The following ZNF738 variants were observed in gnomAD, a reference collection of about 807,000 sequenced individuals.
ZNF738 encodes zinc finger protein 738, also known as protein ZNF738.
In ZNF738, 10 loss-of-function variants were observed where a neutral mutation model predicts 9.2. That is an observed-to-expected ratio of 1.09 (90% CI 0.67 to 1.85). The LOEUF (loss-of-function observed/expected upper bound fraction) is 1.85, where lower values mean the gene tolerates loss of function less well. ZNF738 is among the 40% of genes most tolerant of loss of function. ZNF738 has a pLI of 0.00. For missense variants in ZNF738, 346 were observed against 283.6 expected (o/e 1.22, Z -1.58); for synonymous variants, 113 against 94.5 (o/e 1.20, Z -1.14).
At chr19:21,365,685 G>A (rs1973766819) in intron 2 of ZNF738, among the ~76,000 whole-genome samples, 1 of 152,046 alleles carries the variant, frequency 6.6e-6, no homozygotes, top group African/African-American at 2.4e-5. Context: ...GGCTGGGCGT[G>A]GTAGCTCATG....
rs542528951 is a variant in ZNF738, at chr19:21,380,674, G to C, written c.320-2192G>C. ...CTGAGAACTAATCTGTACTATAGTT[G>C]AAGAAAATCTTTGCCCGGTACTATT... is the stretch of plus-strand genomic sequence containing the variant. On this transcript the variant is annotated intron_variant, in intron 4 of 4. Transcript: ENST00000683779. Among the ~76,000 whole-genome samples, 159 of 152,290 alleles carry C rather than the reference G, an allele frequency of 1.0e-3. 1 individual carries two copies. Among genetic ancestry groups the C allele is most frequent in the African/African-American group, 3.7e-3 (152 of 41,562 alleles).
chr19:21,364,358 A>G (rs1215920576), intron 2 of ZNF738, among the ~76,000 whole-genome samples: 1 of 152,090 alleles, frequency 6.6e-6, no homozygotes, highest in African/African-American at 2.4e-5. Context: ...GGGTTAAAAA[A>G]TCAGATTTCA....
chr19:21,383,862 T>A lies in ZNF738; in HGVS notation c.*188T>A. ...AGAATGTGGCAAAGCTTTCTTCAGA[T>A]TCTCATACCTTACTACACATAAGAT... On this transcript the variant is annotated 3_prime_UTR_variant, in exon 5 of 5. Transcript: ENST00000683779. The A allele has an allele frequency of 1.5e-6, 2 of 1,371,166 alleles. No homozygotes were observed. The highest frequency in any genetic ancestry group is 2.1e-6 in the Non-Finnish European group (2 of 964,834). The allele number at this position is 1,371,166 out of a possible 1,614,324, so 84.9% of individuals were successfully genotyped here.
chr19:21,377,108 G>T (rs1364845736), intron 4 of ZNF738, among the ~76,000 whole-genome samples: 2 of 151,986 alleles, frequency 1.3e-5, no homozygotes, highest in African/African-American at 4.8e-5. Context: ...GGGAGTTTGA[G>T]ACCAGCCTGA....
chr19:21,359,103 C>A lies in ZNF738; in HGVS notation c.-38C>A. 9.7e-7 allele frequency: 1 copy of A among 1,030,168 alleles called. No homozygotes were observed. Among genetic ancestry groups the A allele is most frequent in the East Asian group, 2.4e-5 (1 of 41,824 alleles). The allele number at this position is 1,030,168 out of a possible 1,614,324, so 63.8% of individuals were successfully genotyped here. A position where few individuals can be genotyped will look rare whatever the true frequency, so the allele number is the denominator to read the frequency against. On this transcript the variant is annotated 5_prime_UTR_variant, in exon 1 of 5. Transcript: ENST00000683779. ...CCTGTGACCTGCAGGTATTGGGAATCCACAGCTAAGACGCCGGGACACCCT... is the reference window on the plus strand; with the variant it reads ...CCTGTGACCTGCAGGTATTGGGAATACACAGCTAAGACGCCGGGACACCCT...
In ZNF738 at chr19:21,383,490, C is replaced by T. The variant is rs1004750440; in HGVS notation, c.944C>T (p.Pro315Leu). Residue 315 changes from proline (P) to leucine (L), a missense_variant, in exon 5 of 5, where the codon CCC (proline) becomes CTC (leucine). Transcript: ENST00000683779. ...KHKTIHAGEK[P>L]YKCEGCGKAF... is the part of the protein sequence containing the mutation. The stretch of plus-strand genomic sequence containing the variant: ...AAGACAATTCATGCTGGAGAGAAAC[C>T]CTACAAATGTGAAGGATGTGGCAAA... 9 of 820,364 alleles carry T rather than the reference C, an allele frequency of 1.1e-5. No homozygotes were observed. The highest frequency in any genetic ancestry group is 9.9e-5 in the African/African-American group (6 of 60,302). The allele number at this position is 820,364 out of a possible 1,614,324, so 50.8% of individuals were successfully genotyped here.
intron 2 of ZNF738, among the ~76,000 whole-genome samples, chr19:21,370,568 T>A (rs1973843051): frequency 6.6e-6 from 1 of 152,196 alleles, no homozygotes; most frequent in Non-Finnish European, 1.5e-5. Context: ...TGGAGCTCGT[T>A]ATTGGTATAT....
intron 2 of ZNF738, among the ~76,000 whole-genome samples, chr19:21,367,317 C>T (rs1179173620): frequency 6.6e-6 from 1 of 152,022 alleles, no homozygotes; most frequent in Non-Finnish European, 1.5e-5. Context: ...GTGAGTAGCT[C>T]GATCAGATAA....
chr19:21,383,500 T>C lies in ZNF738; in HGVS notation c.954T>C (p.Cys318=). The change falls in exon 5 of 5, where the codon TGT becomes TGC. Residue 318 remains cysteine (C), a synonymous_variant. Coordinates refer to ENST00000683779, the MANE Select transcript of ZNF738 (RefSeq NM_001355237.2). The part of the protein sequence containing the change: ...TIHAGEKPYK[C]EGCGKAFCQF... ...ATGCTGGAGAGAAACCCTACAAATG[T>C]GAAGGATGTGGCAAAGCTTTCTGCC... The C allele has an allele frequency of 1.2e-6, 1 of 849,636 alleles. No homozygotes were observed. The highest frequency in any genetic ancestry group is 2.0e-6 in the Non-Finnish European group (1 of 501,726). 52.6% of individuals were successfully genotyped at this position (849,636 alleles called of 1,614,324 possible).
intron 3 of ZNF738, 130 bp downstream of exon 3, chr19:21,375,494 G>C (rs537713632): frequency 3.8e-6 from 2 of 528,120 alleles, no homozygotes; most frequent in African/African-American, 3.9e-5. Flanking sequence ...AAAAAATTGC[G>C]AGGAATTATC....
intron 2 of ZNF738, among the ~76,000 whole-genome samples, chr19:21,368,914 T>G (rs1291471547): frequency 6.6e-6 from 1 of 152,080 alleles, no homozygotes; most frequent in East Asian, 1.9e-4. Flanking sequence ...TTTTTTGTAT[T>G]TTTAGTAGAC....
At chr19:21,361,537 CT>C in intron 1 of ZNF738, among the ~76,000 whole-genome samples, 1 of 152,346 alleles carries the variant, frequency 6.6e-6, no homozygotes, top group South Asian at 2.1e-4. Flanking sequence ...CAAAAAATCT[CT>C]GTGTGTCTTT....
chr19:21,371,110 C>A (rs111864225), intron 2 of ZNF738, among the ~76,000 whole-genome samples: 235 of 152,306 alleles, frequency 1.5e-3, no homozygotes, highest in Non-Finnish European at 2.1e-3. Context: ...GCCATAACCA[C>A]AACTATACCT....
At chr19:21,382,560 G>C (rs566293165) in intron 4 of ZNF738, among the ~76,000 whole-genome samples, 1 of 152,126 alleles carries the variant, frequency 6.6e-6, no homozygotes, top group East Asian at 1.9e-4. Context: ...AAGGCATTAT[G>C]TTATATCGGG....
chr19:21,376,478 T>C (rs1973929433), intron 4 of ZNF738: 1 of 152,684 alleles, frequency 6.5e-6, no homozygotes, highest in South Asian at 2.1e-4. Flanking sequence ...TTATAAAATA[T>C]AATGTCTCTC....
intron 2 of ZNF738, among the ~76,000 whole-genome samples, chr19:21,369,776 G>A (rs73545790): frequency 0.024 from 3,553 of 150,718 alleles, 147 homozygotes; most frequent in African/African-American, 0.078. Context: ...TTACTGTAAT[G>A]TAGTTTGAAG....
In ZNF738 at chr19:21,384,568, C is replaced by G. The variant is rs144142889; in HGVS notation, c.*894C>G. ...ATTACTAGACATAAGATAATTCATA[C>G]TGGAGAGAAACCCTACAAATGTGAA... On this transcript the variant is annotated 3_prime_UTR_variant, in exon 5 of 5. Transcript: ENST00000683779. Among the ~76,000 whole-genome samples the G allele has an allele frequency of 5.9e-5, 9 of 152,128 alleles. No individual in the cohort carries two copies. The East Asian group carries it at 1.7e-3, about 29-fold the overall frequency.
In ZNF738 at chr19:21,388,153, A is replaced by T. The variant is rs950976267; in HGVS notation, c.*4479A>T. 6.6e-6 allele frequency among the ~76,000 whole-genome samples: 1 copy of T among 152,194 alleles called. No homozygotes were observed. Among genetic ancestry groups the T allele is most frequent in the Non-Finnish European group, 1.5e-5 (1 of 68,024 alleles). ...GTTGATAGAAAAAGTATTTGTATAT[A>T]AATTTAAGAGGAGTAAAAGATTTTT... On this transcript the variant is annotated 3_prime_UTR_variant, in exon 5 of 5. Coordinates refer to ENST00000683779, the MANE Select transcript of ZNF738 (RefSeq NM_001355237.2).
intron 4 of ZNF738, chr19:21,377,273 C>T: frequency 3.9e-6 from 2 of 515,012 alleles, no homozygotes; most frequent in Non-Finnish European, 6.9e-6. Context: ...TGCCATTGCA[C>T]TCCAGCCTGG....
Sources: allele counts gnomAD v4.1 joint callset (sites outside exome capture counted in the v4.1 genomes callset), GRCh38; gene constraint gnomAD v4.1.1; transcripts MANE v1.5; gene names NCBI Gene and HGNC (gene_info 2026-07-23, HGNC 2026-07-21).